SENP7: variants seen among roughly 807,000 people sequenced by gnomAD.
SENP7 encodes the protein sentrin-specific protease 7.
Under a neutral mutation model 141.2 loss-of-function variants are expected in SENP7, and 64 were observed. The ratio of observed to expected loss-of-function variants is 0.45; its 90% CI spans 0.37 to 0.56. SENP7 has a LOEUF of 0.56. SENP7 is among the 20% of genes least tolerant of loss of function. The pLI is 0.00. For missense variants in SENP7, 1,025 were observed against 1,212.2 expected (o/e 0.85, Z 2.29); for synonymous variants, 382 against 426.4 (o/e 0.90, Z 1.28).
At position 101,344,929 on chromosome 3, in the gene SENP7, G is replaced by A. The variant is rs558377169; in HGVS notation, c.1838-975C>T. ...GGCCAAGGCAGGAGGATAGCTTGAAGCCAGGTGCTTGAGACCAGCCTGAGG... is the reference window on the plus strand; with the variant it reads ...GGCCAAGGCAGGAGGATAGCTTGAAACCAGGTGCTTGAGACCAGCCTGAGG... On this transcript the variant is annotated intron_variant, in intron 13 of 23. Transcript: ENST00000394095. 4.5e-5 allele frequency among the ~76,000 whole-genome samples: 6 copies of A among 132,312 alleles called. No individual in the cohort carries two copies. In the East Asian group the frequency reaches 1.3e-3, roughly 28 times the overall value. 86.8% of individuals were successfully genotyped at this position (132,312 alleles called of 152,430 possible). A position where few individuals can be genotyped will look rare whatever the true frequency, so the allele number is the denominator to read the frequency against.
chr3:101,447,985 A>T (rs1265768812), intron 4 of SENP7, among the ~76,000 whole-genome samples: 1 of 152,248 alleles, frequency 6.6e-6, no homozygotes, highest in East Asian at 1.9e-4. Flanking sequence ...ATGGAAAATA[A>T]TGAAGACGCA....
At chr3:101,358,769 G>C (rs2107325638) in intron 11 of SENP7, 1 of 155,382 alleles carries the variant, frequency 6.4e-6, no homozygotes, top group East Asian at 1.9e-4. Flanking sequence ...CAAGTAGCTG[G>C]GATTGCAGGT....
At chr3:101,490,208 CAA>C (rs1235602719) in intron 3 of SENP7, among the ~76,000 whole-genome samples, 1 of 129,598 alleles carries the variant, frequency 7.7e-6, no homozygotes, top group African/African-American at 2.8e-5. Flanking sequence ...AACAAACAAA[CAA>C]AAAAAAAAAG....
chr3:101,349,944 G>A (rs1225698529), intron 12 of SENP7, among the ~76,000 whole-genome samples: 1 of 152,124 alleles, frequency 6.6e-6, no homozygotes, highest in Non-Finnish European at 1.5e-5. Context: ...TTACAAACGG[G>A]TGTGTGGGCT....
At chr3:101,513,212 G>GAAAAAAAAAAAAAAA (rs1254138448), upstream of SENP7, 1 of 132,838 alleles carries the variant, frequency 7.5e-6, no homozygotes. Context: ...GGAGGGGAAA[G>GAAAAAAAAAAAAAAA]GAAAAAAAAA....
At chr3:101,478,222 AAGACTGAGTGAGTAGGCC>A (rs2064300796) in intron 3 of SENP7, among the ~76,000 whole-genome samples, 1 of 152,122 alleles carries the variant, frequency 6.6e-6, no homozygotes, top group Non-Finnish European at 1.5e-5. Flanking sequence ...AACAAATAAC[AAGACTGAGTGAGTAGGCC>A]AGCACAGTGG....
intron 4 of SENP7, among the ~76,000 whole-genome samples, chr3:101,438,585 TTAC>T (rs1163113094): frequency 2.0e-5 from 3 of 152,192 alleles, no homozygotes; most frequent in Non-Finnish European, 4.4e-5. Flanking sequence ...TAAGTGTATT[TTAC>T]TACAATAAAA....
In SENP7 at chr3:101,421,738, A is replaced by G. The variant is rs553186854; in HGVS notation, c.285-3948T>C. Among the ~76,000 whole-genome samples the G allele has an allele frequency of 3.3e-5, 5 of 152,334 alleles. No homozygotes were observed. The South Asian group carries it at 8.3e-4, about 25-fold the overall frequency. The stretch of plus-strand genomic sequence containing the variant: ...AAATATCCGGCAACAGAAGTCAGTA[A>G]TCTTTTTCCCCCCAAACTAGTAAGG... On this transcript the variant is annotated intron_variant, in intron 4 of 23. Coordinates refer to ENST00000394095, the MANE Select transcript of SENP7 (RefSeq NM_020654.5).
Position 101,341,719 on chromosome 3 carries a change from A to G in SENP7, c.2167T>C (p.Cys723Arg). The change falls in exon 15 of 24, where the codon TGC (cysteine) becomes CGC (arginine). Residue 723 changes from cysteine to arginine, a missense_variant. By Grantham distance (180) the Cys-to-Arg change is radical. Around this residue, in one of 4 missense-constraint regions of SENP7, gnomAD observed 295 missense variants for 459.1 expected, o/e 0.64. Coordinates refer to ENST00000394095, the MANE Select transcript of SENP7 (RefSeq NM_020654.5). Reference sequence around the variant, plus strand: ...TTAGATGTAATAGAAAGGGAGTAGCAACCGCTACTTTGCTTCTGCAGGAAG... The same window carrying G: ...TTAGATGTAATAGAAAGGGAGTAGCGACCGCTACTTTGCTTCTGCAGGAAG... ...YTFLQKQSSG[C>R]YSLSITSNPD... 6.2e-7 allele frequency: 1 copy of G among 1,611,844 alleles called. No individual in the cohort carries two copies. The highest frequency in any genetic ancestry group is 8.5e-7 in the Non-Finnish European group (1 of 1,178,306).
Position 101,366,515 on chromosome 3 carries a change from C to A in SENP7, c.1233G>T (p.Lys411Asn). The A allele has an allele frequency of 6.2e-7, 1 of 1,613,848 alleles. No individual in the cohort carries two copies. The highest frequency in any genetic ancestry group is 2.2e-5 in the East Asian group (1 of 44,858). Reference sequence around the variant, plus strand: ...CTATGGTATTCAACTCATTCTCATCCTTCTCAACCAGGGAAGAAATCCCCA... The same window carrying A: ...CTATGGTATTCAACTCATTCTCATCATTCTCAACCAGGGAAGAAATCCCCA... Reference protein sequence around the residue: ...DIVGISSLVEKDENELNTIEK... With the variant: ...DIVGISSLVENDENELNTIEK... Residue 411 changes from lysine (K) to asparagine (N), a missense_variant, in exon 9 of 24, where the codon AAG (lysine) becomes AAT (asparagine). Lys to Asn is a moderately conservative substitution (Grantham distance 94). Coordinates refer to ENST00000394095, the MANE Select transcript of SENP7 (RefSeq NM_020654.5).
At chr3:101,328,581 T>A (rs1321022071) in intron 21 of SENP7, 35 bp from the exon 22 acceptor site, 2 of 1,600,376 alleles carry the variant, frequency 1.2e-6, no homozygotes, top group Non-Finnish European at 1.7e-6. Context: ...AAGATTTACA[T>A]ACTTGTATAC....
At chr3:101,402,484 T>C (rs2061174398) in intron 5 of SENP7, among the ~76,000 whole-genome samples, 1 of 151,988 alleles carries the variant, frequency 6.6e-6, no homozygotes, top group Non-Finnish European at 1.5e-5. Context: ...TTGCCAGGCA[T>C]GGTGGTGCAC....
intron 4 of SENP7, among the ~76,000 whole-genome samples, chr3:101,429,135 G>A (rs996571715): frequency 6.6e-6 from 1 of 152,136 alleles, no homozygotes; most frequent in African/African-American, 2.4e-5. Context: ...GATGCCTCCA[G>A]CTTTGTTCTT....
chr3:101,374,753 T>C (rs908164986), intron 6 of SENP7, among the ~76,000 whole-genome samples: 12 of 131,722 alleles, frequency 9.1e-5, no homozygotes, highest in South Asian at 2.3e-4. Flanking sequence ...GCCTGGGCAA[T>C]AGAATGAGGC....
chr3:101,445,567 C>T (rs1191157293), intron 4 of SENP7, among the ~76,000 whole-genome samples: 1 of 151,984 alleles, frequency 6.6e-6, no homozygotes, highest in Non-Finnish European at 1.5e-5. Context: ...AACAACCTTA[C>T]ATGTAAATGG....
chr3:101,403,926 C>G (rs2061226634), intron 5 of SENP7, among the ~76,000 whole-genome samples: 1 of 151,988 alleles, frequency 6.6e-6, no homozygotes, highest in African/African-American at 2.4e-5. Context: ...TCAGAGAAGA[C>G]ACAAACAAAT....
intron 17 of SENP7, 180 bp downstream of exon 17, chr3:101,337,329 G>A: frequency 5.1e-6 from 2 of 388,548 alleles, no homozygotes; most frequent in East Asian, 8.7e-5. Context: ...CAGCCTCCCT[G>A]TCATGGGCAG....
chr3:101,427,398 G>A (rs527266327), intron 4 of SENP7, among the ~76,000 whole-genome samples: 2 of 150,006 alleles, frequency 1.3e-5, no homozygotes, highest in African/African-American at 4.9e-5. Flanking sequence ...GCTAAAGCAC[G>A]AGAATTGCTT....
At chr3:101,371,966 A>T (rs2060193813) in intron 7 of SENP7, 42 bp downstream of exon 7, 1 of 828,544 alleles carries the variant, frequency 1.2e-6, no homozygotes, top group Admixed American at 2.7e-5. Context: ...TAATACAATA[A>T]GAAAAAATTC....
Sources: allele counts gnomAD v4.1 joint callset (sites outside exome capture counted in the v4.1 genomes callset), GRCh38; gene constraint gnomAD v4.1.1; regional missense constraint gnomAD v4.1.1; transcripts MANE v1.5; gene names NCBI Gene and HGNC (gene_info 2026-07-23, HGNC 2026-07-21).